RTF1: variants seen among roughly 807,000 people sequenced by gnomAD.
RTF1 encodes RTF1 homolog, Paf1/RNA polymerase II complex component.
A neutral mutation model predicts 95.7 loss-of-function variants in RTF1; 10 were observed. The observed-to-expected ratio is 0.10, with a 90% CI of 0.06 to 0.18. The LOEUF is 0.18. Among genes scored for constraint, RTF1 ranks in the 10% least tolerant of loss-of-function variants. RTF1 has a pLI of 1.00. For synonymous variants in RTF1, 305 were observed against 311.8 expected (o/e 0.98, Z 0.23); for missense variants, 458 against 875.6 (o/e 0.52, Z 6.02).
At chr15:41,456,766 G>T (rs527889152) in intron 3 of RTF1, among the ~76,000 whole-genome samples, 1 of 151,892 alleles carries the variant, frequency 6.6e-6, no homozygotes, top group East Asian at 1.9e-4. Flanking sequence ...CTCCAGCCTG[G>T]GTGACAAGCA....
intron 4 of RTF1, among the ~76,000 whole-genome samples, chr15:41,461,327 G>A (rs1237099174): frequency 6.6e-6 from 1 of 152,048 alleles, no homozygotes; most frequent in Non-Finnish European, 1.5e-5. Context: ...GATTACAGGC[G>A]TAAGCCACTG....
At chr15:41,479,988 T>G (rs575029386) in intron 16 of RTF1, among the ~76,000 whole-genome samples, 4 of 152,178 alleles carry the variant, frequency 2.6e-5, no homozygotes, top group South Asian at 2.1e-4. Context: ...CCACCCTTTC[T>G]ACACTCATAC....
At position 41,481,369 on chromosome 15, in the gene RTF1, T is replaced by TAC. The variant is rs2050973852; in HGVS notation, c.*682_*683insAC. ...TCAGTCTGTCATGGGTCTATAGCTG[T>TAC]TTCAGATTTTTTTCAGCTGTACTTG... On this transcript the variant is annotated 3_prime_UTR_variant, in exon 18 of 18. Coordinates refer to ENST00000389629, the MANE Select transcript of RTF1 (RefSeq NM_015138.5). 1 of 152,560 alleles carries TAC rather than the reference T, an allele frequency of 6.6e-6. No individual in the cohort carries two copies. The highest frequency in any genetic ancestry group is 1.5e-5 in the Non-Finnish European group (1 of 68,020). 9.5% of individuals were successfully genotyped at this position (152,560 alleles called of 1,614,324 possible).
At chr15:41,467,441 G>A (rs889771883) in intron 6 of RTF1, among the ~76,000 whole-genome samples, 13 of 152,168 alleles carry the variant, frequency 8.5e-5, no homozygotes, top group African/African-American at 2.9e-4. Flanking sequence ...GGGGCCGGTC[G>A]TGGTGCCTCA....
At chr15:41,431,820 A>C (rs566272669) in intron 1 of RTF1, among the ~76,000 whole-genome samples, 2 of 143,426 alleles carry the variant, frequency 1.4e-5, no homozygotes, top group South Asian at 4.4e-4. Context: ...TTTTTTTTTG[A>C]GACGCAGTCT....
intron 13 of RTF1, 42 bp from the exon 14 acceptor site, chr15:41,477,416 C>G (rs940206410): frequency 6.2e-7 from 1 of 1,613,242 alleles, no homozygotes; most frequent in Non-Finnish European, 8.5e-7. Flanking sequence ...TTCCCTCCCT[C>G]CCTTGTTTCA....
intron 2 of RTF1, among the ~76,000 whole-genome samples, chr15:41,439,067 C>G (rs1313809226): frequency 1.4e-5 from 2 of 145,160 alleles, no homozygotes; most frequent in African/African-American, 5.1e-5. Flanking sequence ...GAGTCTCACT[C>G]TGTCACCAGG....
chr15:41,479,054 A>T, intron 15 of RTF1, 49 bp from the exon 16 acceptor site: 1 of 1,298,942 alleles, frequency 7.7e-7, no homozygotes, highest in Non-Finnish European at 1.1e-6. Flanking sequence ...TGGCAGTAGG[A>T]CTCTGTGAGT....
intron 3 of RTF1, among the ~76,000 whole-genome samples, chr15:41,454,714 C>T (rs1279010855): frequency 6.6e-6 from 1 of 152,144 alleles, no homozygotes; most frequent in Non-Finnish European, 1.5e-5. Flanking sequence ...GAAAAGGACA[C>T]AATCACTTAT....
intron 1 of RTF1, among the ~76,000 whole-genome samples, chr15:41,419,203 A>G (rs1354080145): frequency 1.3e-5 from 2 of 152,196 alleles, no homozygotes; most frequent in African/African-American, 4.8e-5. Flanking sequence ...AAGGAGTAGA[A>G]TCTATTTTTT....
chr15:41,480,974 C>T lies in RTF1; in HGVS notation c.*287C>T, dbSNP rs1361372241. ...TGTGTTTGCCTTTTGTTTTTTTAAC[C>T]GCGCAGTTCATTGGCCACTCTGCAC... On this transcript the variant is annotated 3_prime_UTR_variant, in exon 18 of 18. Coordinates refer to ENST00000389629, the MANE Select transcript of RTF1 (RefSeq NM_015138.5). 4 of 386,236 alleles carry T rather than the reference C, an allele frequency of 1.0e-5. No homozygotes were observed. The highest frequency in any genetic ancestry group is 3.0e-5 in the South Asian group (1 of 33,234). 23.9% of individuals were successfully genotyped at this position (386,236 alleles called of 1,614,324 possible).
intron 4 of RTF1, 28 bp from the exon 5 acceptor site, chr15:41,464,743 A>C: frequency 6.6e-7 from 1 of 1,506,358 alleles, no homozygotes; most frequent in African/African-American, 1.4e-5. Flanking sequence ...TTTCATTGCT[A>C]CTTAAAAACC....
chr15:41,477,638 A>T, intron 14 of RTF1, 123 bp downstream of exon 14: 1 of 812,722 alleles, frequency 1.2e-6, no homozygotes, highest in Non-Finnish European at 2.1e-6. Context: ...ACGTATACAC[A>T]CTCTCTCTGT....
chr15:41,451,910 T>G (rs1204507972), intron 2 of RTF1, among the ~76,000 whole-genome samples: 4 of 152,024 alleles, frequency 2.6e-5, no homozygotes, highest in Admixed American at 2.0e-4. Context: ...CAATAAAACA[T>G]ACATGAGCTG....
At chr15:41,467,153 C>T (rs1316067417) in intron 6 of RTF1, among the ~76,000 whole-genome samples, 2 of 152,174 alleles carry the variant, frequency 1.3e-5, no homozygotes, top group Non-Finnish European at 1.5e-5. Context: ...AACTGCAATT[C>T]ACCCTCCTGA....
chr15:41,481,528 CCA>C lies in RTF1; in HGVS notation c.*842_*843del, dbSNP rs1321906368. On this transcript the variant is annotated 3_prime_UTR_variant, in exon 18 of 18. Coordinates refer to ENST00000389629, the MANE Select transcript of RTF1 (RefSeq NM_015138.5). Reference sequence around the variant, plus strand: ...CTTTCCCAACTTTGGAGAAAACTCCCCAGTTTAGCCCCCTGACCTGCAGGCTG... The same window carrying C: ...CTTTCCCAACTTTGGAGAAAACTCCCGTTTAGCCCCCTGACCTGCAGGCTG... 1 of 152,610 alleles carries C rather than the reference CCA, an allele frequency of 6.6e-6. No homozygotes were observed. The highest frequency in any genetic ancestry group is 2.4e-5 in the African/African-American group (1 of 41,448). The allele number at this position is 152,610 out of a possible 1,614,324, so 9.5% of individuals were successfully genotyped here.
intron 6 of RTF1, among the ~76,000 whole-genome samples, chr15:41,467,003 G>A (rs1446043178): frequency 1.3e-5 from 2 of 152,166 alleles, no homozygotes; most frequent in Non-Finnish European, 2.9e-5. Flanking sequence ...TTTTTAGGTA[G>A]TGGTATGTAT....
At chr15:41,476,547 T>C (rs1347722485) in intron 12 of RTF1, 24 bp downstream of exon 12, 3 of 1,591,352 alleles carry the variant, frequency 1.9e-6, no homozygotes, top group Non-Finnish European at 2.6e-6. Context: ...CTCGAGCCTC[T>C]TTCCTCATCC....
intron 2 of RTF1, among the ~76,000 whole-genome samples, chr15:41,439,026 C>CT (rs2050719295): frequency 1.9e-5 from 2 of 105,002 alleles, no homozygotes; most frequent in Admixed American, 1.0e-4. Context: ...CCTATTTTTT[C>CT]TTTTATTTTC....
Sources: gnomAD v4.1 joint callset for allele counts (sites outside exome capture counted in the v4.1 genomes callset) on GRCh38, gnomAD v4.1.1 for gene constraint, MANE v1.5 for transcripts, NCBI Gene and HGNC (gene_info 2026-07-23, HGNC 2026-07-21) for gene names.